Variants in MTUS2 observed in about 807,000 individuals in gnomAD.
MTUS2 encodes microtubule associated scaffold protein 2.
A neutral mutation model predicts 114.1 loss-of-function variants in MTUS2; 40 were observed. That is an observed-to-expected ratio of 0.35 (90% confidence interval 0.27 to 0.46). The LOEUF (loss-of-function observed/expected upper bound fraction) is 0.46. MTUS2 is among the 20% of genes least tolerant of loss of function. MTUS2 has a pLI of 1.00. For synonymous variants in MTUS2, 688 were observed against 672.0 expected (o/e 1.02, Z -0.37); for missense variants, 1,679 against 1,705.4 (o/e 0.98, Z 0.27).
At chr13:29,502,633 C>G (rs1268252124) in intron 15 of MTUS2, among the ~76,000 whole-genome samples, 1 of 152,268 alleles carries the variant, frequency 6.6e-6, no homozygotes, top group African/African-American at 2.4e-5. Flanking sequence ...TTGTCAATTG[C>G]CAGCTGCGCG....
rs188181032 is a variant in MTUS2 at position 28,925,124 on chromosome 13, C to G, written c.-243+85274C>G. Among the ~76,000 whole-genome samples, 203 of 152,186 alleles carry G rather than the reference C, an allele frequency of 1.3e-3. 2 individuals carry two copies. Among genetic ancestry groups the G allele is most frequent in the Admixed American group, 2.5e-3 (39 of 15,296 alleles). On this transcript the variant is annotated intron_variant, in intron 2 of 15. Coordinates refer to ENST00000612955, the MANE Select transcript of MTUS2 (RefSeq NM_001033602.4). ...AGGCCGTGGAATGGTTTGGGTTAAGCAAGGCAGTTTTGGATCATTTCACTT... is the reference window on the plus strand; with the variant it reads ...AGGCCGTGGAATGGTTTGGGTTAAGGAAGGCAGTTTTGGATCATTTCACTT...
At chr13:28,917,307 C>T (rs1375508151) in intron 2 of MTUS2, among the ~76,000 whole-genome samples, 1 of 151,806 alleles carries the variant, frequency 6.6e-6, no homozygotes, top group Non-Finnish European at 1.5e-5. Context: ...CTCTTATCCT[C>T]TCTTGTTTGG....
At chr13:28,843,956 G>A (rs572005525) in intron 2 of MTUS2, among the ~76,000 whole-genome samples, 2 of 152,308 alleles carry the variant, frequency 1.3e-5, no homozygotes, top group Admixed American at 1.3e-4. Context: ...GAATTACAAT[G>A]AGAATCCTGG....
At position 29,414,981 on chromosome 13, in the gene MTUS2, G is replaced by C. The variant is rs531321255; in HGVS notation, c.3118-25002G>C. 4.0e-5 allele frequency among the ~76,000 whole-genome samples: 6 copies of C among 148,500 alleles called. No individual in the cohort carries two copies. In the East Asian group the frequency reaches 1.2e-3, roughly 29 times the overall value. ...AATGTGTCCGATATGTTTCGGTTTG[G>C]GGGGTTTTTTTGGTTTGGTTTTTTT... On this transcript the variant is annotated intron_variant, in intron 8 of 15. Transcript: ENST00000612955.
At chr13:29,369,820 G>A (rs1325748234) in intron 8 of MTUS2, among the ~76,000 whole-genome samples, 1 of 152,050 alleles carries the variant, frequency 6.6e-6, no homozygotes, top group Non-Finnish European at 1.5e-5. Flanking sequence ...ATAGATAGGA[G>A]GTGATATTAT....
At chr13:29,318,714 C>T (rs1277558369) in intron 6 of MTUS2, among the ~76,000 whole-genome samples, 3 of 152,082 alleles carry the variant, frequency 2.0e-5, no homozygotes, top group Non-Finnish European at 2.9e-5. Flanking sequence ...CAGCTGTTGT[C>T]GAAGCCACTG....
intron 6 of MTUS2, chr13:29,307,686 C>G: frequency 8.8e-7 from 1 of 1,138,252 alleles, no homozygotes. Context: ...GCATTGCCCT[C>G]AACGACCACT....
In MTUS2 at chr13:29,457,124, G is replaced by A. The variant is rs1432804707; in HGVS notation, c.3184+17075G>A. Among the ~76,000 whole-genome samples, 5 of 148,018 alleles carry A rather than the reference G, an allele frequency of 3.4e-5. No homozygotes were observed. The South Asian group carries it at 1.1e-3, about 32-fold the overall frequency. On this transcript the variant is annotated intron_variant, in intron 9 of 15. Transcript: ENST00000612955. ...CGCGACACTGCACTCCAGCCTGGGC[G>A]ACAGCGAGACTCCATTCAAAAAAAA...
At chr13:29,491,723 G>T (rs765946365) in intron 11 of MTUS2, among the ~76,000 whole-genome samples, 1 of 63,436 alleles carries the variant, frequency 1.6e-5, no homozygotes, top group African/African-American at 5.5e-5. Context: ...TGTGTGGTAG[G>T]TGTGTGTGGG....
chr13:29,152,659 G>A (rs571148111), intron 5 of MTUS2, among the ~76,000 whole-genome samples: 9 of 152,032 alleles, frequency 5.9e-5, no homozygotes, highest in Non-Finnish European at 1.0e-4. Flanking sequence ...GTTTCTAGCC[G>A]CATGGACCCT....
At chr13:29,502,250 T>G (rs1164493894) in intron 15 of MTUS2, among the ~76,000 whole-genome samples, 2 of 152,250 alleles carry the variant, frequency 1.3e-5, no homozygotes, top group African/African-American at 2.4e-5. Context: ...TGTCCAGCTT[T>G]AAAATGCATA....
chr13:29,046,689 T>C (rs1452899479), intron 4 of MTUS2, among the ~76,000 whole-genome samples: 3 of 152,210 alleles, frequency 2.0e-5, no homozygotes, highest in African/African-American at 4.8e-5. Context: ...AATAACTGGA[T>C]CAATCTTTTA....
intron 5 of MTUS2, among the ~76,000 whole-genome samples, chr13:29,185,288 C>G (rs890594578): frequency 7.2e-5 from 11 of 152,022 alleles, no homozygotes; most frequent in African/African-American, 2.4e-4. Flanking sequence ...GTCTATGGGA[C>G]ACCATCAAGC....
intron 2 of MTUS2, among the ~76,000 whole-genome samples, chr13:28,851,822 C>T (rs1236215431): frequency 7.3e-5 from 11 of 151,696 alleles, no homozygotes; most frequent in Non-Finnish European, 1.5e-4. Context: ...CAGGACTTAG[C>T]GCCCAGCTTG....
At chr13:29,319,130 A>G (rs1255147606) in intron 6 of MTUS2, among the ~76,000 whole-genome samples, 1 of 152,332 alleles carries the variant, frequency 6.6e-6, no homozygotes, top group East Asian at 1.9e-4. Context: ...CCATGAGAGA[A>G]GAGCCTGTGC....
At chr13:29,093,558 A>G (rs1329680223) in intron 4 of MTUS2, among the ~76,000 whole-genome samples, 1 of 152,128 alleles carries the variant, frequency 6.6e-6, no homozygotes, top group Admixed American at 6.5e-5. Flanking sequence ...TTTTTTGATG[A>G]TTTATTGTGA....
rs1161038715 is a variant in MTUS2, at chr13:29,307,313, A to G, written c.2807-17300A>G. 6 of 678,802 alleles carry G rather than the reference A, an allele frequency of 8.8e-6. 1 individual carries two copies. Among genetic ancestry groups the G allele is most frequent in the Non-Finnish European group, 1.6e-5 (6 of 370,208 alleles). 42.0% of individuals were successfully genotyped at this position (678,802 alleles called of 1,614,324 possible). A position where few individuals can be genotyped will look rare whatever the true frequency, so the allele number is the denominator to read the frequency against. ...ATGGAAGGACTCATGACCACAGTCCATGCTGTCCCTGCCACCCAGAAGACT... is the reference window on the plus strand; with the variant it reads ...ATGGAAGGACTCATGACCACAGTCCGTGCTGTCCCTGCCACCCAGAAGACT... On this transcript the variant is annotated intron_variant, in intron 6 of 15. Transcript: ENST00000612955.
intron 5 of MTUS2, among the ~76,000 whole-genome samples, chr13:29,265,241 G>T (rs1268099128): frequency 6.6e-6 from 1 of 152,194 alleles, no homozygotes; most frequent in African/African-American, 2.4e-5. Flanking sequence ...TTACAAAGTT[G>T]TAACATGGAT....
chr13:28,946,049 A>G (rs1290788893), intron 2 of MTUS2, among the ~76,000 whole-genome samples: 2 of 152,332 alleles, frequency 1.3e-5, no homozygotes, highest in Non-Finnish European at 2.9e-5. Context: ...GAGTTTGTGT[A>G]GCAGTGTTGT....
Sources: gnomAD v4.1 joint callset for allele counts (sites outside exome capture counted in the v4.1 genomes callset) on GRCh38, gnomAD v4.1.1 for gene constraint, MANE v1.5 for transcripts, NCBI Gene and HGNC (gene_info 2026-07-23, HGNC 2026-07-21) for gene names.